PRELID1: variants seen among roughly 807,000 people sequenced by gnomAD.
PRELID1 encodes the protein PRELI domain containing 1, also known as PRELI domain-containing protein 1, mitochondrial.
In PRELID1, 15 loss-of-function variants were observed where a neutral mutation model predicts 29.0. That is an observed-to-expected ratio of 0.52 (90% CI 0.35 to 0.80). The LOEUF (loss-of-function observed/expected upper bound fraction) is 0.80. Among genes scored for constraint, PRELID1 ranks in the 30% least tolerant of loss-of-function variants. PRELID1 has a pLI of 0.01. For missense variants in PRELID1, 187 were observed against 275.9 expected (o/e 0.68, Z 2.28); for synonymous variants, 79 against 106.5 (o/e 0.74, Z 1.59).
Position 177,306,752 on chromosome 5 carries a change from G to A in PRELID1, c.*182G>A, listed in dbSNP as rs1760889370. The A allele has an allele frequency of 2.8e-6, 3 of 1,053,650 alleles. No individual in the cohort carries two copies. The South Asian group carries it at 4.8e-5, about 17-fold the overall frequency. 65.3% of individuals were successfully genotyped at this position (1,053,650 alleles called of 1,614,324 possible). A position where few individuals can be genotyped will look rare whatever the true frequency, so the allele number is the denominator to read the frequency against. ...CATGATTCATGTCTGAGCCAGGTCTGCTTATTCTCCCATTGGGCAGCTGAG... is the reference window on the plus strand; with the variant it reads ...CATGATTCATGTCTGAGCCAGGTCTACTTATTCTCCCATTGGGCAGCTGAG... On this transcript the variant is annotated 3_prime_UTR_variant, in exon 5 of 5. Coordinates refer to ENST00000303204, the MANE Select transcript of PRELID1 (RefSeq NM_013237.4).
chr5:177,306,747 G>A lies in PRELID1; in HGVS notation c.*177G>A, dbSNP rs1216096420. ...AAGCACATGATTCATGTCTGAGCCA[G>A]GTCTGCTTATTCTCCCATTGGGCAG... On this transcript the variant is annotated 3_prime_UTR_variant, in exon 5 of 5. Transcript: ENST00000303204. 7.4e-6 allele frequency: 8 copies of A among 1,082,708 alleles called. No individual in the cohort carries two copies. The highest frequency in any genetic ancestry group is 1.0e-5 in the Non-Finnish European group (8 of 770,220). The allele number at this position is 1,082,708 out of a possible 1,614,324, so 67.1% of individuals were successfully genotyped here. A position where few individuals can be genotyped will look rare whatever the true frequency, so the allele number is the denominator to read the frequency against.
chr5:177,305,796 T>A, intron 2 of PRELID1, 75 bp from the exon 3 acceptor site: 1 of 1,247,540 alleles, frequency 8.0e-7, no homozygotes, highest in Non-Finnish European at 1.2e-6. Context: ...TCATGAAAAG[T>A]GACAGGGAGT....
At chr5:177,306,367 A>G in intron 4 of PRELID1, 55 bp from the exon 5 acceptor site, 3 of 1,611,658 alleles carry the variant, frequency 1.9e-6, no homozygotes, top group Non-Finnish European at 2.5e-6. Flanking sequence ...GGGGAGGGAA[A>G]TTAGGTTGGT....
At chr5:177,304,533 C>G in intron 1 of PRELID1, 92 bp from the exon 2 acceptor site, 1 of 1,108,286 alleles carries the variant, frequency 9.0e-7, no homozygotes, top group Non-Finnish European at 1.3e-6. Flanking sequence ...AAGGCGTGGC[C>G]TCTCTAGGCC....
At chr5:177,304,901 G>C (rs753417969) in intron 2 of PRELID1, 51 bp downstream of exon 2, 1 of 1,469,664 alleles carries the variant, frequency 6.8e-7, no homozygotes, top group Non-Finnish European at 9.3e-7. Context: ...CCCTCCCCCC[G>C]AGATAGAGAG....
At chr5:177,304,974 G>T in intron 2 of PRELID1, 124 bp downstream of exon 2, 2 of 884,054 alleles carry the variant, frequency 2.3e-6, no homozygotes, top group Non-Finnish European at 3.5e-6. Context: ...GCAGGTCTGG[G>T]TTACTGAGGG....
chr5:177,304,378 C>T, intron 1 of PRELID1: 1 of 617,142 alleles, frequency 1.6e-6, no homozygotes, highest in East Asian at 2.8e-5. Flanking sequence ...GTGGCGCTTT[C>T]CTGGGGTGCA....
rs544217647 is a variant in PRELID1 at position 177,304,296 on chromosome 5, G to A, written c.92+219G>A. On this transcript the variant is annotated intron_variant, in intron 1 of 4. Transcript: ENST00000303204. ...TAGTGTAAGATTCTTTTCTCAGTGT[G>A]GTGAGACAAGAAGAGGCGGCAGTAT... 45 of 604,014 alleles carry A rather than the reference G, an allele frequency of 7.5e-5. No homozygotes were observed. In the African/African-American group the frequency reaches 8.0e-4, roughly 11 times the overall value. The allele number at this position is 604,014 out of a possible 1,614,324, so 37.4% of individuals were successfully genotyped here.
At chr5:177,306,362 G>T in intron 4 of PRELID1, 60 bp from the exon 5 acceptor site, 1 of 1,610,652 alleles carries the variant, frequency 6.2e-7, no homozygotes. Flanking sequence ...TCATGGGGGA[G>T]GGAAATTAGG....
rs770668614 is a variant in PRELID1, at chr5:177,304,756, C to G, written c.224C>G (p.Ala75Gly). 10 of 1,613,878 alleles carry G rather than the reference C, an allele frequency of 6.2e-6. No individual in the cohort carries two copies. In the Admixed American group the frequency reaches 1.7e-4, roughly 27 times the overall value. The change falls in exon 2 of 5, where the codon GCT (alanine) becomes GGT (glycine). Residue 75 changes from alanine (A) to glycine (G), a missense_variant. Physicochemically the swap from Ala to Gly is moderately conservative, Grantham distance 60. Transcript: ENST00000303204. ...WAERLFPANV[A>G]HSVYVLEDSI... The stretch of plus-strand genomic sequence containing the variant: ...GAGCGACTATTTCCTGCCAATGTTG[C>G]TCACTCGGTGTACGTCCTGGAGGAC...
At position 177,306,882 on chromosome 5, in the gene PRELID1, G is replaced by GT. The variant is rs1406935952; in HGVS notation, c.*316dup. ...AAGCCCGACAAGGGCAGGGCTTTTG[G>GT]TTTTGTTCTCTGATGTGTCTCAGTA... On this transcript the variant is annotated 3_prime_UTR_variant, in exon 5 of 5. Coordinates refer to ENST00000303204, the MANE Select transcript of PRELID1 (RefSeq NM_013237.4). 1.3e-6 allele frequency: 1 copy of GT among 742,174 alleles called. No homozygotes were observed. Among genetic ancestry groups the GT allele is most frequent in the Admixed American group, 3.0e-5 (1 of 33,488 alleles). The allele number at this position is 742,174 out of a possible 1,614,324, so 46.0% of individuals were successfully genotyped here. A position where few individuals can be genotyped will look rare whatever the true frequency, so the allele number is the denominator to read the frequency against.
rs891028469 is a variant in PRELID1, at chr5:177,306,414, C to T, written c.512-8C>T. The T allele has an allele frequency of 6.2e-6, 10 of 1,613,922 alleles. No homozygotes were observed. The highest frequency in any genetic ancestry group is 2.7e-5 in the African/African-American group (2 of 74,908). On this transcript the variant is annotated splice_polypyrimidine_tract_variant and splice_region_variant and intron_variant, in intron 4 of 4. Coordinates refer to ENST00000303204, the MANE Select transcript of PRELID1 (RefSeq NM_013237.4). ...CTTCTAAAGGCAGCCACCTGCCGTT[C>T]GCGACAGGCGAGGCCCCTTCCAAAA...
intron 1 of PRELID1, 137 bp from the exon 2 acceptor site, chr5:177,304,488 G>C (rs1228913181): frequency 2.3e-5 from 18 of 792,624 alleles, no homozygotes; most frequent in Non-Finnish European, 3.8e-5. Flanking sequence ...ACTCTGGTTT[G>C]AACCATAGCA....
intron 3 of PRELID1, 29 bp downstream of exon 3, chr5:177,306,013 C>T (rs776071846): frequency 6.2e-7 from 1 of 1,606,596 alleles, no homozygotes; most frequent in Non-Finnish European, 8.5e-7. Context: ...GCTGCTGGGG[C>T]TCTGGGACCC....
In PRELID1 at chr5:177,304,018, C is replaced by G; in HGVS notation, c.33C>G (p.Leu11=). ...AGTATTTCCTGGGCCAGAGCGTGCT[C>G]CGGAGTTCCTGGGACCAAGTGTTCG... MVKYFLGQSV[L]RSSWDQVFAA... is the part of the protein sequence containing the mutation. Residue 11 remains leucine (L), a synonymous_variant, in exon 1 of 5, where the codon CTC becomes CTG. Coordinates refer to ENST00000303204, the MANE Select transcript of PRELID1 (RefSeq NM_013237.4). 6.2e-7 allele frequency: 1 copy of G among 1,612,022 alleles called. No individual in the cohort carries two copies. Among genetic ancestry groups the G allele is most frequent in the Non-Finnish European group, 8.5e-7 (1 of 1,179,942 alleles).
At chr5:177,305,195 TTTTC>T (rs1394086550) in intron 2 of PRELID1, among the ~76,000 whole-genome samples, 2 of 151,194 alleles carry the variant, frequency 1.3e-5, no homozygotes, top group East Asian at 3.9e-4. Context: ...GAGGCAGTGC[TTTTC>T]TTTTTTTTTT....
intron 2 of PRELID1, 189 bp from the exon 3 acceptor site, chr5:177,305,682 G>A: frequency 1.7e-6 from 1 of 600,308 alleles, no homozygotes; most frequent in Non-Finnish European, 3.0e-6. Context: ...TCAGAAGAGA[G>A]GTTTTCGAGA....
intron 2 of PRELID1, among the ~76,000 whole-genome samples, chr5:177,305,148 A>G (rs1163612980): frequency 2.0e-5 from 3 of 151,846 alleles, no homozygotes; most frequent in African/African-American, 7.3e-5. Context: ...TATGGCACAG[A>G]TATATGTTGG....
At position 177,305,918 on chromosome 5, in the gene PRELID1, C is replaced by G. The variant is rs76147118; in HGVS notation, c.366C>G (p.Gly122=). ...CVYCVNSDNS[G]WTEIRREAWV... is the part of the protein sequence containing the mutation. ...ACTGTGTGAACTCTGACAACAGTGG[C>G]TGGACTGAAATCCGCCGGGAAGCCT... is the stretch of plus-strand genomic sequence containing the variant. Residue 122 remains glycine, a synonymous_variant, in exon 3 of 5, where the codon GGC becomes GGG. Transcript: ENST00000303204. The G allele has an allele frequency of 3.2e-5, 51 of 1,614,158 alleles. No homozygotes were observed. In the African/African-American group the frequency reaches 5.6e-4, roughly 18 times the overall value.
Sources: gnomAD v4.1 joint callset for allele counts (sites outside exome capture counted in the v4.1 genomes callset) on GRCh38, gnomAD v4.1.1 for gene constraint, MANE v1.5 for transcripts, NCBI Gene and HGNC (gene_info 2026-07-23, HGNC 2026-07-21) for gene names.